Variants in STAG1 observed in about 807,000 individuals in gnomAD.
STAG1 encodes cohesin subunit SA-1.
Under a neutral mutation model 170.9 loss-of-function variants are expected in STAG1, and 26 were observed. The observed-to-expected ratio is 0.15, with a 90% confidence interval of 0.11 to 0.21. STAG1 has a LOEUF of 0.21. Ranked by LOEUF, STAG1 falls within the 10% of genes least tolerant of loss-of-function variation. The pLI is 1.00. For missense variants in STAG1, 964 were observed against 1,509.5 expected (o/e 0.64, Z 5.99); for synonymous variants, 514 against 497.7 (o/e 1.03, Z -0.44).
chr3:136,738,416 C>T (rs976578984), intron 1 of STAG1, among the ~76,000 whole-genome samples: 3 of 152,106 alleles, frequency 2.0e-5, no homozygotes, highest in East Asian at 1.9e-4. Flanking sequence ...GCTTGAACCC[C>T]GGAGGCACAG....
intron 29 of STAG1, among the ~76,000 whole-genome samples, chr3:136,345,455 GTTTTTTTTTTTT>G (rs34593330): frequency 2.2e-4 from 22 of 99,276 alleles, no homozygotes; most frequent in Non-Finnish European, 3.6e-4. Flanking sequence ...TTACCTAGTT[GTTTTTTTTTTTT>G]TTTTTTTTTT....
chr3:136,508,854 G>GT (rs1281941865), intron 7 of STAG1, among the ~76,000 whole-genome samples: 1 of 152,236 alleles, frequency 6.6e-6, no homozygotes, highest in East Asian at 1.9e-4. Context: ...TGAAACGTGT[G>GT]TACGTGTGTG....
At chr3:136,652,399 A>G (rs1031467820) in intron 1 of STAG1, among the ~76,000 whole-genome samples, 2 of 152,254 alleles carry the variant, frequency 1.3e-5, no homozygotes, top group African/African-American at 4.8e-5. Context: ...TTTAAGTGAT[A>G]ATACTTAGGC....
chr3:136,659,603 C>T (rs959469734), intron 1 of STAG1, among the ~76,000 whole-genome samples: 9 of 152,328 alleles, frequency 5.9e-5, no homozygotes, highest in Middle Eastern at 3.4e-3. Context: ...ACTCAACTAC[C>T]TTAAAGGGCA....
chr3:136,393,898 A>C (rs1029155943), intron 22 of STAG1, among the ~76,000 whole-genome samples: 1 of 152,042 alleles, frequency 6.6e-6, no homozygotes, highest in African/African-American at 2.4e-5. Context: ...GTCCAGCCTG[A>C]AACATGGATT....
intron 13 of STAG1, among the ~76,000 whole-genome samples, chr3:136,458,179 G>C (rs1031037817): frequency 6.6e-6 from 1 of 151,672 alleles, no homozygotes. Flanking sequence ...TGTTTTGAGA[G>C]TGAGTCTTGC....
chr3:136,724,000 A>AG (rs1933501093), intron 1 of STAG1, among the ~76,000 whole-genome samples: 2 of 142,764 alleles, frequency 1.4e-5, no homozygotes, highest in East Asian at 2.3e-4. Context: ...CCCCCCGCAC[A>AG]GCCAGCCGCC....
chr3:136,608,411 GTC>G (rs1939071939), intron 3 of STAG1, among the ~76,000 whole-genome samples: 1 of 150,448 alleles, frequency 6.6e-6, no homozygotes, highest in Non-Finnish European at 1.5e-5. Flanking sequence ...TGTGCCTGTA[GTC>G]CCAGCTGCTC....
At chr3:136,624,594 C>T (rs914750947) in intron 2 of STAG1, among the ~76,000 whole-genome samples, 4 of 152,324 alleles carry the variant, frequency 2.6e-5, no homozygotes, top group Middle Eastern at 3.4e-3. Flanking sequence ...AGGAAACATG[C>T]TTCCTCAATT....
intron 2 of STAG1, among the ~76,000 whole-genome samples, chr3:136,628,697 A>G (rs1247764423): frequency 1.3e-5 from 2 of 152,218 alleles, no homozygotes; most frequent in Non-Finnish European, 2.9e-5. Flanking sequence ...ATAGTTTAGA[A>G]CTATGTATTT....
intron 1 of STAG1, among the ~76,000 whole-genome samples, chr3:136,673,017 T>C (rs547886491): frequency 1.4e-4 from 22 of 152,266 alleles, no homozygotes; most frequent in Non-Finnish European, 2.4e-4. Context: ...AATGTCATTA[T>C]ACATGGAACA....
chr3:136,727,803 C>G (rs900560331), intron 1 of STAG1, among the ~76,000 whole-genome samples: 3 of 152,150 alleles, frequency 2.0e-5, no homozygotes, highest in African/African-American at 7.2e-5. Flanking sequence ...TAGAACCTAA[C>G]TTTAACCTTT....
At chr3:136,553,364 A>G (rs1936482344) in intron 5 of STAG1, among the ~76,000 whole-genome samples, 1 of 152,232 alleles carries the variant, frequency 6.6e-6, no homozygotes, top group South Asian at 2.1e-4. Flanking sequence ...ATTTAAAGAG[A>G]TAACAATTAA....
intron 9 of STAG1, among the ~76,000 whole-genome samples, chr3:136,491,604 A>C (rs1334030638): frequency 2.6e-5 from 4 of 152,200 alleles, no homozygotes; most frequent in Admixed American, 6.5e-5. Flanking sequence ...TTCTAGACTT[A>C]AGCAATACCA....
At chr3:136,341,587 AGAT>A in intron 30 of STAG1, 36 bp from the exon 31 acceptor site, 4 of 1,429,124 alleles carry the variant, frequency 2.8e-6, no homozygotes, top group Non-Finnish European at 3.0e-6. Context: ...TTGTAGCAGC[AGAT>A]GATGAATTTA....
intron 12 of STAG1, among the ~76,000 whole-genome samples, chr3:136,466,889 T>C (rs2089478804): frequency 1.3e-5 from 2 of 152,224 alleles, no homozygotes; most frequent in Non-Finnish European, 2.9e-5. Context: ...CAGAATTTCA[T>C]ATGCAGCCAA....
At chr3:136,375,554 A>C (rs1937548996) in intron 23 of STAG1, among the ~76,000 whole-genome samples, 1 of 152,188 alleles carries the variant, frequency 6.6e-6, no homozygotes. Flanking sequence ...GGTATTTAGA[A>C]AGAGCCATTT....
At chr3:136,383,693 C>A (rs1041161381) in intron 22 of STAG1, among the ~76,000 whole-genome samples, 5 of 152,124 alleles carry the variant, frequency 3.3e-5, no homozygotes, top group African/African-American at 1.2e-4. Flanking sequence ...CGGTGGCTCA[C>A]GCCTGTAATC....
At chr3:136,601,201 T>C (rs899615102) in intron 4 of STAG1, among the ~76,000 whole-genome samples, 1 of 151,962 alleles carries the variant, frequency 6.6e-6, no homozygotes, top group African/African-American at 2.4e-5. Context: ...CTGGAAACAG[T>C]TCAAATAAAA....
Sources: gnomAD v4.1 joint callset for allele counts (sites outside exome capture counted in the v4.1 genomes callset) on GRCh38, gnomAD v4.1.1 for gene constraint, MANE v1.5 for transcripts, NCBI Gene and HGNC (gene_info 2026-07-23, HGNC 2026-07-21) for gene names.